Variants in ZNF525 observed in about 807,000 individuals in gnomAD.
ZNF525 encodes zinc finger protein 525.
ZNF525 carries 33 observed loss-of-function variants against 37.6 expected under a neutral mutation model. That is an observed-to-expected ratio of 0.88 (90% CI 0.67 to 1.17). The LOEUF (loss-of-function observed/expected upper bound fraction) is 1.17. Among genes scored for constraint, ZNF525 ranks in the 50% most tolerant of loss-of-function variants. The pLI, the probability that ZNF525 is intolerant of heterozygous loss-of-function variation, is 0.00. For synonymous variants in ZNF525, 170 were observed against 182.3 expected (o/e 0.93, Z 0.54); for missense variants, 449 against 543.1 (o/e 0.83, Z 1.72).
intron 3 of ZNF525, chr19:53,376,457 GTTATTTTGTTC>G: frequency 1.7e-6 from 1 of 579,356 alleles, no homozygotes; most frequent in East Asian, 3.0e-5. Flanking sequence ...TTTTTTTGTT[GTTATTTTGTTC>G]TTATTTTGTT....
At chr19:53,379,029 A>G (rs1783998406) in intron 3 of ZNF525, among the ~76,000 whole-genome samples, 1 of 152,198 alleles carries the variant, frequency 6.6e-6, no homozygotes, top group South Asian at 2.1e-4. Context: ...GGCAATGTAT[A>G]TATATATATA....
intron 2 of ZNF525, among the ~76,000 whole-genome samples, chr19:53,374,576 A>C (rs1218000323): frequency 3.3e-5 from 5 of 152,166 alleles, no homozygotes; most frequent in Admixed American, 3.3e-4. Context: ...CCTGCCCCCA[A>C]CCGCCAAAGT....
chr19:53,382,172 T>G lies in ZNF525; in HGVS notation c.*153T>G. On this transcript the variant is annotated 3_prime_UTR_variant, in exon 4 of 4. Coordinates refer to ENST00000474037, the MANE Select transcript of ZNF525 (RefSeq NM_001348156.2). ...ACAAATGTGAAGAATGTGATGAAGC[T>G]TTCAGTTTCAAATCAAACCTTGAAA... The G allele has an allele frequency of 6.3e-7, 1 of 1,593,660 alleles. No individual in the cohort carries two copies. Among genetic ancestry groups the G allele is most frequent in the Non-Finnish European group, 8.6e-7 (1 of 1,162,326 alleles).
In ZNF525 at chr19:53,381,530, T is replaced by A; in HGVS notation, c.951T>A (p.His317Gln). 8.0e-7 allele frequency: 1 copy of A among 1,250,272 alleles called. No individual in the cohort carries two copies. Among genetic ancestry groups the A allele is most frequent in the Non-Finnish European group, 1.2e-6 (1 of 847,986 alleles). 77.4% of individuals were successfully genotyped at this position (1,250,272 alleles called of 1,614,324 possible). A position where few individuals can be genotyped will look rare whatever the true frequency, so the allele number is the denominator to read the frequency against. ...GACACAATTCAGCCCTTCAAAGACATAGGAGAATTCATACTGGAGAGAAAC... is the reference window on the plus strand; with the variant it reads ...GACACAATTCAGCCCTTCAAAGACAAAGGAGAATTCATACTGGAGAGAAAC... Reference protein sequence around the residue: ...AFRHNSALQRHRRIHTGEKPH... With the variant: ...AFRHNSALQRQRRIHTGEKPH... The change falls in exon 4 of 4, where the codon CAT becomes CAA. Residue 317 changes from histidine to glutamine, a missense_variant. Physicochemically the swap from His to Gln is conservative, Grantham distance 24. Transcript: ENST00000474037.
chr19:53,376,458 T>A (rs2085523174), intron 3 of ZNF525: 1 of 592,464 alleles, frequency 1.7e-6, no homozygotes, highest in South Asian at 2.1e-5. Context: ...TTTTTTGTTG[T>A]TATTTTGTTC....
chr19:53,372,513 A>G, intron 2 of ZNF525: 1 of 850,778 alleles, frequency 1.2e-6, no homozygotes, highest in Non-Finnish European at 1.9e-6. Context: ...GGTCTTGGGA[A>G]GGGCTCACAA....
Position 53,383,794 on chromosome 19 carries a change from A to G in ZNF525, c.*1775A>G. 2 of 529,774 alleles carry G rather than the reference A, an allele frequency of 3.8e-6. No individual in the cohort carries two copies. The highest frequency in any genetic ancestry group is 3.4e-5 in the South Asian group (2 of 58,240). 32.8% of individuals were successfully genotyped at this position (529,774 alleles called of 1,614,324 possible). On this transcript the variant is annotated 3_prime_UTR_variant, in exon 4 of 4. Transcript: ENST00000474037. ...GTTCATACATTGCCGTTCATTGGCG[A>G]ACTCATGCTGGAGAGAAATCTTACA...
chr19:53,379,868 G>A (rs778445592), intron 3 of ZNF525, among the ~76,000 whole-genome samples: 176 of 152,240 alleles, frequency 1.2e-3, no homozygotes, highest in Middle Eastern at 6.8e-3. Context: ...CAAGCATGCT[G>A]GCATGTGCCT....
intron 1 of ZNF525, among the ~76,000 whole-genome samples, chr19:53,367,114 G>A (rs11667990): frequency 1.3e-5 from 2 of 152,142 alleles, no homozygotes; most frequent in East Asian, 3.9e-4. Context: ...AACAAGAACA[G>A]CTAAATACAC....
intron 1 of ZNF525, among the ~76,000 whole-genome samples, chr19:53,371,300 G>C (rs1251974219): frequency 2.7e-5 from 4 of 149,052 alleles, no homozygotes; most frequent in Non-Finnish European, 4.4e-5. Context: ...CTGGGCTCAA[G>C]CGATTCTTGT....
chr19:53,385,201 A>G lies in ZNF525; in HGVS notation c.*3182A>G, dbSNP rs972542446. ...AAGGGATCTTCAAGAAGTTCTGGAA[A>G]AATACATATTATGAGAAAATTGTGC... On this transcript the variant is annotated 3_prime_UTR_variant, in exon 4 of 4. Coordinates refer to ENST00000474037, the MANE Select transcript of ZNF525 (RefSeq NM_001348156.2). 58 of 497,312 alleles carry G rather than the reference A, an allele frequency of 1.2e-4. No individual in the cohort carries two copies. The highest frequency in any genetic ancestry group is 1.1e-3 in the African/African-American group (54 of 50,274). The allele number at this position is 497,312 out of a possible 1,614,324, so 30.8% of individuals were successfully genotyped here. A position where few individuals can be genotyped will look rare whatever the true frequency, so the allele number is the denominator to read the frequency against.
In ZNF525 at chr19:53,384,658, G is replaced by A. The variant is rs1388044562; in HGVS notation, c.*2639G>A. On this transcript the variant is annotated 3_prime_UTR_variant, in exon 4 of 4. Coordinates refer to ENST00000474037, the MANE Select transcript of ZNF525 (RefSeq NM_001348156.2). Reference sequence around the variant, plus strand: ...TGATACTGTATTGTGCAAATCCACTGAATATGTTTGTTAGTTCCAGTACTA... The same window carrying A: ...TGATACTGTATTGTGCAAATCCACTAAATATGTTTGTTAGTTCCAGTACTA... 1 of 263,608 alleles carries A rather than the reference G, an allele frequency of 3.8e-6. No individual in the cohort carries two copies. The highest frequency in any genetic ancestry group is 7.2e-6 in the Non-Finnish European group (1 of 139,768). 16.3% of individuals were successfully genotyped at this position (263,608 alleles called of 1,614,324 possible). A position where few individuals can be genotyped will look rare whatever the true frequency, so the allele number is the denominator to read the frequency against.
chr19:53,382,115 CCAT>C lies in ZNF525; in HGVS notation c.*100_*102del. ...TCAGTCATACGTCATCCATTGTATA[CCAT>C]CATAAATTTCATAGTGGAGAGAAAC... On this transcript the variant is annotated 3_prime_UTR_variant, in exon 4 of 4. Coordinates refer to ENST00000474037, the MANE Select transcript of ZNF525 (RefSeq NM_001348156.2). 6.4e-7 allele frequency: 1 copy of C among 1,556,346 alleles called. No homozygotes were observed. Among genetic ancestry groups the C allele is most frequent in the Non-Finnish European group, 8.8e-7 (1 of 1,134,758 alleles).
At chr19:53,370,519 C>A (rs1403528564) in intron 1 of ZNF525, among the ~76,000 whole-genome samples, 1 of 151,872 alleles carries the variant, frequency 6.6e-6, no homozygotes, top group African/African-American at 2.4e-5. Context: ...AGCCTCCCTG[C>A]AACTTGGAGA....
chr19:53,376,703 C>T (rs907680306), intron 3 of ZNF525, among the ~76,000 whole-genome samples: 1 of 152,174 alleles, frequency 6.6e-6, no homozygotes, highest in African/African-American at 2.4e-5. Flanking sequence ...GCCCCAGTGG[C>T]TCATGCCTGT....
At position 53,369,528 on chromosome 19, in the gene ZNF525, C is replaced by A. The variant is rs185674030; in HGVS notation, c.-67-2687C>A. Among the ~76,000 whole-genome samples, 192 of 147,638 alleles carry A rather than the reference C, an allele frequency of 1.3e-3. 11 individuals are homozygous for A. The highest frequency in any genetic ancestry group is 2.1e-3 in the East Asian group (11 of 5,148). On this transcript the variant is annotated intron_variant, in intron 1 of 3. Transcript: ENST00000474037. ...AAGCATGATCCATTGTTCCCGGCCA[C>A]CCATGTATTCTTGATGGAAACAATT...
At chr19:53,376,585 T>G (rs577033192) in intron 3 of ZNF525, 1 of 498,172 alleles carries the variant, frequency 2.0e-6, no homozygotes, top group South Asian at 2.5e-5. Flanking sequence ...CTTTTGTTTG[T>G]TTGTTTGTTT....
intron 1 of ZNF525, among the ~76,000 whole-genome samples, chr19:53,368,720 G>T (rs1462247870): frequency 6.6e-6 from 1 of 152,168 alleles, no homozygotes; most frequent in Non-Finnish European, 1.5e-5. Context: ...GGGCCAGAAG[G>T]GTCGGGGTTC....
intron 2 of ZNF525, among the ~76,000 whole-genome samples, chr19:53,373,905 G>GGTCA (rs2085504478): frequency 6.6e-6 from 1 of 152,078 alleles, no homozygotes; most frequent in Non-Finnish European, 1.5e-5. Flanking sequence ...GGTAAACTAG[G>GGTCA]GTCATCAGGG....
Sources: allele counts gnomAD v4.1 joint callset (sites outside exome capture counted in the v4.1 genomes callset), GRCh38; gene constraint gnomAD v4.1.1; transcripts MANE v1.5; gene names NCBI Gene and HGNC (gene_info 2026-07-23, HGNC 2026-07-21).